The following LIMS1 variants were observed in gnomAD, a reference collection of about 807,000 sequenced individuals.
LIMS1 encodes the protein LIM and senescent cell antigen-like-containing domain protein 1.
LIMS1 carries 18 observed loss-of-function variants against 44.1 expected under a neutral mutation model. The observed-to-expected ratio is 0.41, with a 90% CI of 0.28 to 0.61. The LOEUF (loss-of-function observed/expected upper bound fraction) is 0.61. Among genes scored for constraint, LIMS1 ranks in the 20% least tolerant of loss-of-function variants. The pLI, the probability that LIMS1 is intolerant of heterozygous loss-of-function variation, is 0.32. For synonymous variants in LIMS1, 93 were observed against 149.1 expected (o/e 0.62, Z 2.74); for missense variants, 201 against 422.0 (o/e 0.48, Z 4.59).
rs1687523505 is a variant in LIMS1 at position 108,610,195 on chromosome 2, T to C, written c.33-49410T>C. ...GTGTGTGTGTGTGTGTGTGTGTGTG[T>C]ATTATTATAAAACTATTCTTTTTTA... On this transcript the variant is annotated intron_variant, in intron 1 of 9. Transcript: ENST00000544547. 2.1e-5 allele frequency among the ~76,000 whole-genome samples: 3 copies of C among 143,808 alleles called. No individual in the cohort carries two copies. The South Asian group carries it at 6.8e-4, about 33-fold the overall frequency. 94.3% of individuals were successfully genotyped at this position (143,808 alleles called of 152,430 possible). A position where few individuals can be genotyped will look rare whatever the true frequency, so the allele number is the denominator to read the frequency against.
chr2:108,582,693 A>C (rs1234559291), intron 1 of LIMS1, among the ~76,000 whole-genome samples: 1 of 152,200 alleles, frequency 6.6e-6, no homozygotes, highest in Non-Finnish European at 1.5e-5. Context: ...GTTTGAATCC[A>C]GGAGGCAGAG....
At chr2:108,641,427 G>A (rs905067771) in intron 1 of LIMS1, among the ~76,000 whole-genome samples, 3 of 152,130 alleles carry the variant, frequency 2.0e-5, no homozygotes, top group Non-Finnish European at 2.9e-5. Context: ...TGTAATTTCT[G>A]GACTTTGATT....
chr2:108,534,402 T>TC (rs1284906018), exon 1 of LIMS1: 333 of 330,864 alleles, frequency 1.0e-3, no homozygotes, highest in East Asian at 4.8e-3. Context: ...CGCCTCGCCT[T>TC]CCCCCCCCTC....
chr2:108,662,328 G>C, intron 2 of LIMS1: 3 of 1,611,252 alleles, frequency 1.9e-6, no homozygotes, highest in Non-Finnish European at 2.5e-6. Flanking sequence ...GGCCACTGGT[G>C]CTGAGTCAGA....
intron 1 of LIMS1, chr2:108,621,316 A>T: frequency 6.5e-7 from 1 of 1,549,420 alleles, no homozygotes; most frequent in Non-Finnish European, 8.7e-7. Context: ...CTGAGCATAA[A>T]TGCTTTAAAG....
rs147105654 is a variant in LIMS1, at chr2:108,601,104, G to A, written c.33-58501G>A. Among the ~76,000 whole-genome samples the A allele has an allele frequency of 4.2e-3, 646 of 152,156 alleles. 3 individuals carry two copies. The highest frequency in any genetic ancestry group is 7.7e-3 in the Non-Finnish European group (521 of 67,996). On this transcript the variant is annotated intron_variant, in intron 1 of 9. Transcript: ENST00000544547. ...CACCCGCCACCATGCTGTTCTGTGC[G>A]GGAGATGCCTGAGGGGGGAAGAAAA...
At chr2:108,554,609 G>A (rs550137815) in intron 1 of LIMS1, among the ~76,000 whole-genome samples, 145 of 152,244 alleles carry the variant, frequency 9.5e-4, no homozygotes, top group Non-Finnish European at 1.6e-3. Flanking sequence ...AAGCTTCTTA[G>A]TTTCTGGATG....
chr2:108,631,976 T>G (rs1248261065), intron 1 of LIMS1, among the ~76,000 whole-genome samples: 2 of 151,918 alleles, frequency 1.3e-5, no homozygotes, highest in African/African-American at 4.8e-5. Context: ...ACTTTCGTGT[T>G]TGTTTGTTTG....
At chr2:108,642,496 A>AGG (rs1244589189) in intron 1 of LIMS1, among the ~76,000 whole-genome samples, 3 of 151,216 alleles carry the variant, frequency 2.0e-5, no homozygotes, top group African/African-American at 7.3e-5. Context: ...AGTAGCTGGG[A>AGG]CTACAGGCGC....
intron 1 of LIMS1, among the ~76,000 whole-genome samples, chr2:108,551,829 T>C (rs1157588339): frequency 6.9e-6 from 1 of 144,264 alleles, no homozygotes; most frequent in Non-Finnish European, 1.5e-5. Context: ...AATATACATA[T>C]ATACACATAT....
intron 1 of LIMS1, among the ~76,000 whole-genome samples, chr2:108,570,103 ATTTG>A (rs1444031903): frequency 5.9e-5 from 9 of 152,048 alleles, no homozygotes; most frequent in Non-Finnish European, 1.2e-4. Context: ...TATTATTAAT[ATTTG>A]TTTGTATGGG....
intron 1 of LIMS1, among the ~76,000 whole-genome samples, chr2:108,635,785 T>TCC (rs5833297): frequency 1.3e-5 from 2 of 151,896 alleles, no homozygotes; most frequent in African/African-American, 4.8e-5. Flanking sequence ...AACACACTCC[T>TCC]CCCCCCCGTC....
intron 8 of LIMS1, 53 bp downstream of exon 8, chr2:108,678,080 G>C: frequency 1.2e-6 from 2 of 1,607,358 alleles, no homozygotes; most frequent in Non-Finnish European, 1.7e-6. Context: ...AAAAACACTT[G>C]GGTAATGTGG....
chr2:108,580,888 C>T (rs1558795643), intron 1 of LIMS1, among the ~76,000 whole-genome samples: 2 of 152,188 alleles, frequency 1.3e-5, no homozygotes, highest in Non-Finnish European at 2.9e-5. Flanking sequence ...AATTTAAGAA[C>T]ACTTGGGTAT....
At chr2:108,628,931 T>C (rs1688739946) in intron 1 of LIMS1, among the ~76,000 whole-genome samples, 2 of 152,214 alleles carry the variant, frequency 1.3e-5, no homozygotes, top group Admixed American at 1.3e-4. Context: ...TGAGACTGCA[T>C]TGAAATATTT....
chr2:108,609,970 G>A (rs2104749831), intron 1 of LIMS1, among the ~76,000 whole-genome samples: 1 of 152,178 alleles, frequency 6.6e-6, no homozygotes, highest in Non-Finnish European at 1.5e-5. Flanking sequence ...GTGAAACCCT[G>A]TCTCTACTAA....
rs191626286 is a variant in LIMS1, at chr2:108,540,965, A to G, written c.32+6371A>G. 3.2e-3 allele frequency among the ~76,000 whole-genome samples: 484 copies of G among 152,348 alleles called. 5 individuals are homozygous for G. Among genetic ancestry groups the G allele is most frequent in the African/African-American group, 9.8e-3 (406 of 41,584 alleles). ...GTAAATACCTTGAGGACCAAGACCT[A>G]TAGCTGAGCCCATTAACATAGTACA... On this transcript the variant is annotated intron_variant, in intron 1 of 9. Coordinates refer to ENST00000544547, the Ensembl canonical transcript of LIMS1.
chr2:108,618,548 G>A (rs1183196258), intron 1 of LIMS1, among the ~76,000 whole-genome samples: 2 of 151,964 alleles, frequency 1.3e-5, no homozygotes, highest in South Asian at 2.1e-4. Context: ...CTGGTTAGGC[G>A]GGGCACGGTG....
chr2:108,638,514 C>T (rs545246796), intron 1 of LIMS1, among the ~76,000 whole-genome samples: 19 of 152,130 alleles, frequency 1.2e-4, no homozygotes, highest in Admixed American at 3.3e-4. Flanking sequence ...GAGGCCAGGG[C>T]GAGCGGATCA....
Sources: allele counts gnomAD v4.1 joint callset (sites outside exome capture counted in the v4.1 genomes callset), GRCh38; gene constraint gnomAD v4.1.1; transcripts MANE v1.5; gene names NCBI Gene and HGNC (gene_info 2026-07-23, HGNC 2026-07-21).